Variants in CNKSR2 observed in about 807,000 individuals in gnomAD.
CNKSR2 encodes connector enhancer of kinase suppressor of Ras 2.
CNKSR2 carries 14 observed loss-of-function variants against 84.4 expected under a neutral mutation model. The observed-to-expected ratio is 0.17, with a 90% CI of 0.11 to 0.26. CNKSR2 has a LOEUF of 0.26. CNKSR2 is among the 10% of genes least tolerant of loss of function. The pLI is 1.00. For missense variants in CNKSR2, 485 were observed against 771.2 expected (o/e 0.63, Z 4.40); for synonymous variants, 275 against 277.9 (o/e 0.99, Z 0.10).
At chrX:21,508,215 A>G (rs1329677610) in intron 8 of CNKSR2, among the ~76,000 whole-genome samples, 1 of 111,943 alleles carries the variant, frequency 8.9e-6, no homozygotes, top group East Asian at 2.8e-4. Flanking sequence ...TTGTAGTTCA[A>G]ACTACTCAGG....
At chrX:21,526,798 G>A in intron 9 of CNKSR2, 69 bp from the exon 10 acceptor site, 1 of 772,973 alleles carries the variant, frequency 1.3e-6, no homozygotes, top group Non-Finnish European at 1.9e-6. Context: ...TGTTGTTGTT[G>A]TTGTTGTTGT....
intron 1 of CNKSR2, among the ~76,000 whole-genome samples, chrX:21,415,606 A>T (rs1308873208): frequency 1.3e-5 from 1 of 79,837 alleles, no homozygotes; most frequent in East Asian, 4.3e-4. Flanking sequence ...CGAACACAGG[A>T]AGGGGAACAT....
chrX:21,400,169 A>G (rs754880541), intron 1 of CNKSR2, among the ~76,000 whole-genome samples: 2 of 111,561 alleles, frequency 1.8e-5, no homozygotes, highest in South Asian at 7.5e-4. Flanking sequence ...CAATGAAATA[A>G]TGTATTTTTG....
chrX:21,381,213 A>G (rs1382820919), intron 1 of CNKSR2, among the ~76,000 whole-genome samples: 1 of 111,678 alleles, frequency 9.0e-6, no homozygotes, highest in Non-Finnish European at 1.9e-5. Context: ...ATGATGTAGA[A>G]AGCAAAATTG....
At chrX:21,376,376 A>G (rs759745829) in intron 1 of CNKSR2, among the ~76,000 whole-genome samples, 1 of 112,013 alleles carries the variant, frequency 8.9e-6, no homozygotes, top group Admixed American at 9.4e-5. Flanking sequence ...ATATGTGGAA[A>G]CTGCTTTGTA....
chrX:21,539,220 C>A (rs937206255), intron 11 of CNKSR2, among the ~76,000 whole-genome samples: 1 of 111,571 alleles, frequency 9.0e-6, no homozygotes, highest in Non-Finnish European at 1.9e-5. Context: ...TTATCTCTGA[C>A]TGGATTATTT....
At chrX:21,447,097 A>G (rs1317597330) in intron 4 of CNKSR2, among the ~76,000 whole-genome samples, 1 of 111,347 alleles carries the variant, frequency 9.0e-6, no homozygotes, top group Non-Finnish European at 1.9e-5. Context: ...GCTTGTAACA[A>G]TGCTGTCACT....
intron 13 of CNKSR2, among the ~76,000 whole-genome samples, chrX:21,574,729 C>G (rs1186616873): frequency 9.0e-6 from 1 of 111,544 alleles, no homozygotes; most frequent in East Asian, 2.8e-4. Context: ...AGCCTGGTAC[C>G]TATGCAGCCC....
At chrX:21,406,723 G>C (rs1326634829) in intron 1 of CNKSR2, among the ~76,000 whole-genome samples, 1 of 111,297 alleles carries the variant, frequency 9.0e-6, no homozygotes, top group Non-Finnish European at 1.9e-5. Context: ...TTTCTGTCAA[G>C]ATCAGAAGAG....
Position 21,590,666 on chromosome X carries a change from A to G in CNKSR2, c.1657+46A>G, listed in dbSNP as rs762210316. Reference sequence around the variant, plus strand: ...CTTTACCTGCTTATTTTGCTCTTTGATAATCCCCAACACACTTCATCCATG... The same window carrying G: ...CTTTACCTGCTTATTTTGCTCTTTGGTAATCCCCAACACACTTCATCCATG... On this transcript the variant is annotated intron_variant, in intron 14 of 21. Transcript: ENST00000379510. 2.6e-6 allele frequency: 3 copies of G among 1,134,907 alleles called. No individual in the cohort carries two copies. The African/African-American group carries it at 5.4e-5, about 20-fold the overall frequency. The allele number at this position is 1,134,907 out of a possible 1,213,427, so 93.5% of individuals were successfully genotyped here. A position where few individuals can be genotyped will look rare whatever the true frequency, so the allele number is the denominator to read the frequency against.
At chrX:21,616,436 T>G (rs775511636) in intron 20 of CNKSR2, among the ~76,000 whole-genome samples, 62 of 111,740 alleles carry the variant, frequency 5.5e-4, no homozygotes, top group African/African-American at 1.8e-3. Flanking sequence ...CTAAAGTTAT[T>G]TTATCCAACA....
intron 4 of CNKSR2, among the ~76,000 whole-genome samples, chrX:21,455,692 T>A (rs2090987118): frequency 8.9e-6 from 1 of 112,419 alleles, no homozygotes; most frequent in Admixed American, 9.4e-5. Context: ...TTATACCCCT[T>A]CAGGGGTACC....
At chrX:21,606,728 A>G (rs1346099364) in intron 18 of CNKSR2, 51 bp from the exon 19 acceptor site, 1 of 764,406 alleles carries the variant, frequency 1.3e-6, no homozygotes, top group South Asian at 2.5e-5. Context: ...TGAAAATATG[A>G]CCAGAAACAT....
chrX:21,610,243 C>T (rs1354883282), intron 20 of CNKSR2, among the ~76,000 whole-genome samples: 1 of 112,231 alleles, frequency 8.9e-6, no homozygotes, highest in African/African-American at 3.2e-5. Flanking sequence ...GTGTGTTGAT[C>T]GTAAAGCTCA....
intron 4 of CNKSR2, among the ~76,000 whole-genome samples, chrX:21,466,738 C>T (rs1332105468): frequency 9.0e-6 from 1 of 111,138 alleles, no homozygotes; most frequent in Non-Finnish European, 1.9e-5. Context: ...GCATGTGCCA[C>T]CACACCCAGC....
intron 20 of CNKSR2, among the ~76,000 whole-genome samples, chrX:21,620,753 T>C (rs1177053192): frequency 9.0e-6 from 1 of 111,266 alleles, no homozygotes; most frequent in Non-Finnish European, 1.9e-5. Context: ...ATGGACAAGA[T>C]AGTCTTTGAA....
At chrX:21,577,919 A>G (rs1601972999) in intron 13 of CNKSR2, among the ~76,000 whole-genome samples, 1 of 111,381 alleles carries the variant, frequency 9.0e-6, no homozygotes, top group East Asian at 2.8e-4. Context: ...TTAATAAATG[A>G]TATTAAGGTA....
intron 11 of CNKSR2, among the ~76,000 whole-genome samples, chrX:21,549,176 T>C (rs1375732807): frequency 8.9e-6 from 1 of 112,334 alleles, no homozygotes; most frequent in Non-Finnish European, 1.9e-5. Context: ...GAAAACCCCA[T>C]CGTCTCAGTC....
At chrX:21,644,078 G>A (rs562152751) in intron 20 of CNKSR2, 9 of 111,704 alleles carry the variant, frequency 8.1e-5, no homozygotes, top group African/African-American at 6.5e-5. Flanking sequence ...CAATGCAAAT[G>A]TTAGTTGCCT....
Sources: gnomAD v4.1 joint callset for allele counts (sites outside exome capture counted in the v4.1 genomes callset) on GRCh38, gnomAD v4.1.1 for gene constraint, MANE v1.5 for transcripts, NCBI Gene and HGNC (gene_info 2026-07-23, HGNC 2026-07-21) for gene names.